FMN2: variants seen among roughly 807,000 people sequenced by gnomAD.
The protein encoded by FMN2 is formin-2.
In FMN2, 51 loss-of-function variants were observed where a neutral mutation model predicts 142.3. The observed-to-expected ratio is 0.36, with a 90% CI of 0.29 to 0.45. The LOEUF (loss-of-function observed/expected upper bound fraction) is 0.45. FMN2 is among the 20% of genes least tolerant of loss of function. FMN2 has a pLI of 1.00. For synonymous variants in FMN2, 882 were observed against 869.8 expected, an observed-to-expected ratio of 1.01 and a Z score of -0.25; for missense variants, 1,936 against 2,122.8, an observed-to-expected ratio of 0.91 and a Z score of 1.73.
intron 8 of FMN2, among the ~76,000 whole-genome samples, chr1:240,328,495 G>A (rs924261851): frequency 6.6e-6 from 1 of 151,780 alleles, no homozygotes; most frequent in Admixed American, 6.6e-5. Flanking sequence ...ATCACTAATG[G>A]TCAATAACAT....
At chr1:240,303,436 T>G (rs1268997150) in intron 8 of FMN2, among the ~76,000 whole-genome samples, 1 of 152,206 alleles carries the variant, frequency 6.6e-6, no homozygotes, top group Non-Finnish European at 1.5e-5. Context: ...GATATAGAAT[T>G]ATTGGTTGAA....
intron 13 of FMN2, among the ~76,000 whole-genome samples, chr1:240,340,063 T>C (rs954545404): frequency 6.6e-6 from 1 of 152,176 alleles, no homozygotes; most frequent in African/African-American, 2.4e-5. Context: ...ATGAATGTTT[T>C]AGAACATTCT....
chr1:240,468,506 C>A (rs1003709826), intron 16 of FMN2, among the ~76,000 whole-genome samples: 1 of 152,144 alleles, frequency 6.6e-6, no homozygotes, highest in Non-Finnish European at 1.5e-5. Flanking sequence ...CTTCCCTCTT[C>A]ATGGTGATTG....
Position 240,445,702 on chromosome 1 carries a change from G to GTTTTTT in FMN2, c.5060+7501_5060+7506dup, listed in dbSNP as rs34849609. Reference sequence around the variant, plus strand: ...GCATTCAATAGGAAGCCATCAAAGGGTTTTTTTTTTTTTTCTGGAGAGAAA... The same window carrying GTTTTTT: ...GCATTCAATAGGAAGCCATCAAAGGGTTTTTTTTTTTTTTTTTTTTCTGGAGAGAAA... On this transcript the variant is annotated intron_variant, in intron 16 of 17. Coordinates refer to ENST00000319653, the MANE Select transcript of FMN2 (RefSeq NM_020066.5). Among the ~76,000 whole-genome samples, 2 of 143,340 alleles carry GTTTTTT rather than the reference G, an allele frequency of 1.4e-5. 1 individual carries two copies. 94.0% of individuals were successfully genotyped at this position (143,340 alleles called of 152,430 possible). A position where few individuals can be genotyped will look rare whatever the true frequency, so the allele number is the denominator to read the frequency against.
chr1:240,327,460 T>C (rs1348661770), intron 8 of FMN2, among the ~76,000 whole-genome samples: 1 of 152,178 alleles, frequency 6.6e-6, no homozygotes, highest in Non-Finnish European at 1.5e-5. Context: ...GTAGCTTCTA[T>C]AGCAGTTCTC....
intron 7 of FMN2, among the ~76,000 whole-genome samples, chr1:240,290,596 C>T (rs756649957): frequency 1.2e-4 from 19 of 152,056 alleles, no homozygotes; most frequent in South Asian, 2.1e-4. Flanking sequence ...ATGCTATAAA[C>T]GAAAGTTATC....
At chr1:240,436,279 A>G (rs1038740816) in intron 15 of FMN2, among the ~76,000 whole-genome samples, 4 of 140,482 alleles carry the variant, frequency 2.8e-5, no homozygotes, top group East Asian at 4.3e-4. Flanking sequence ...GGAGAAAAAC[A>G]TAATACCTGA....
chr1:240,147,902 GA>G (rs1426165368), intron 2 of FMN2, among the ~76,000 whole-genome samples: 1 of 152,182 alleles, frequency 6.6e-6, no homozygotes, highest in Non-Finnish European at 1.5e-5. Flanking sequence ...CTGGGAATAT[GA>G]ATTTTTGATA....
chr1:240,381,342 T>C (rs1417951602), intron 14 of FMN2, among the ~76,000 whole-genome samples: 3 of 152,166 alleles, frequency 2.0e-5, no homozygotes, highest in Non-Finnish European at 2.9e-5. Context: ...TCAAGTGGGT[T>C]CTATTTTAGG....
intron 13 of FMN2, among the ~76,000 whole-genome samples, chr1:240,338,667 A>G (rs1671645814): frequency 6.6e-6 from 1 of 152,122 alleles, no homozygotes; most frequent in African/African-American, 2.4e-5. Flanking sequence ...CCACCTGTTC[A>G]TCACTTAGGA....
At position 240,228,303 on chromosome 1, in the gene FMN2, C is replaced by CAAAAAAAAAA. The variant is rs577421634; in HGVS notation, c.4065+17088_4065+17097dup. On this transcript the variant is annotated intron_variant, in intron 6 of 17. Transcript: ENST00000319653. ...GGGCAACAAGAGTGAAACTCTGTCT[C>CAAAAAAAAAA]AAAAAAAAAAAAAAAAAAAAAAAAA... Among the ~76,000 whole-genome samples the CAAAAAAAAAA allele has an allele frequency of 1.7e-3, 80 of 47,734 alleles. 1 individual carries two copies. The highest frequency in any genetic ancestry group is 2.5e-3 in the Non-Finnish European group (56 of 22,460). 31.3% of individuals were successfully genotyped at this position (47,734 alleles called of 152,430 possible). A position where few individuals can be genotyped will look rare whatever the true frequency, so the allele number is the denominator to read the frequency against.
At chr1:240,286,204 G>A (rs991864115) in intron 7 of FMN2, among the ~76,000 whole-genome samples, 1 of 152,112 alleles carries the variant, frequency 6.6e-6, no homozygotes, top group Non-Finnish European at 1.5e-5. Context: ...AATTGGGGGA[G>A]GAGGGCTGAA....
chr1:240,427,350 C>T (rs754134364), intron 15 of FMN2, among the ~76,000 whole-genome samples: 4 of 151,844 alleles, frequency 2.6e-5, no homozygotes, highest in South Asian at 4.1e-4. Flanking sequence ...GGACTACAGG[C>T]GCCCGCCACC....
intron 6 of FMN2, among the ~76,000 whole-genome samples, chr1:240,246,363 G>C (rs1255286397): frequency 6.6e-6 from 1 of 152,172 alleles, no homozygotes; most frequent in Non-Finnish European, 1.5e-5. Flanking sequence ...AGGAGGCTGA[G>C]GTGGGAGGGA....
chr1:240,351,838 G>A (rs537358195), intron 13 of FMN2, among the ~76,000 whole-genome samples: 25 of 152,206 alleles, frequency 1.6e-4, no homozygotes, highest in African/African-American at 5.8e-4. Context: ...TGTTCATACA[G>A]GATCCTAGAC....
intron 14 of FMN2, among the ~76,000 whole-genome samples, chr1:240,375,592 C>T (rs1673015126): frequency 6.6e-6 from 1 of 152,166 alleles, no homozygotes; most frequent in Admixed American, 6.5e-5. Flanking sequence ...CCCTTTTGAA[C>T]TTTCCTATTC....
intron 13 of FMN2, among the ~76,000 whole-genome samples, chr1:240,346,324 A>G (rs1270588893): frequency 2.0e-5 from 3 of 152,162 alleles, no homozygotes; most frequent in Admixed American, 6.5e-5. Context: ...ACAGTTATAC[A>G]AATGTTGTAT....
intron 15 of FMN2, among the ~76,000 whole-genome samples, chr1:240,406,728 G>T (rs1189644539): frequency 6.6e-6 from 1 of 152,118 alleles, no homozygotes; most frequent in Non-Finnish European, 1.5e-5. Flanking sequence ...GGTGAATGTG[G>T]TTGGTTCCTA....
chr1:240,398,891 C>A (rs1010245304), intron 15 of FMN2, among the ~76,000 whole-genome samples: 3 of 152,070 alleles, frequency 2.0e-5, no homozygotes, highest in Non-Finnish European at 1.5e-5. Context: ...TTTTTATAAT[C>A]AGAAATTATA....
Sources: gnomAD v4.1 joint callset for allele counts (sites outside exome capture counted in the v4.1 genomes callset) on GRCh38, gnomAD v4.1.1 for gene constraint, MANE v1.5 for transcripts, NCBI Gene and HGNC (gene_info 2026-07-23, HGNC 2026-07-21) for gene names.